The following DDX4 variants were observed in gnomAD, a reference collection of about 807,000 sequenced individuals.
DDX4 encodes DEAD-box helicase 4, also known as probable ATP-dependent RNA helicase DDX4.
A neutral mutation model predicts 100.0 loss-of-function variants in DDX4; 25 were observed. The observed-to-expected ratio is 0.25, with a 90% CI of 0.18 to 0.35. DDX4 has a LOEUF of 0.35. DDX4 is among the 10% of genes least tolerant of loss of function. DDX4 has a pLI of 1.00. For missense variants in DDX4, 635 were observed against 882.4 expected, an observed-to-expected ratio of 0.72 and a Z score of 3.55; for synonymous variants, 259 against 275.7, an observed-to-expected ratio of 0.94 and a Z score of 0.60.
At chr5:55,760,055 T>TC (rs2111776180) in intron 3 of DDX4, 145 bp from the exon 4 acceptor site, 2 of 661,626 alleles carry the variant, frequency 3.0e-6, no homozygotes, top group East Asian at 7.0e-5. Context: ...TAGCCATTTT[T>TC]TTTTTTTTTT....
At position 55,780,047 on chromosome 5, in the gene DDX4, T is replaced by A. The variant is rs1392315238; in HGVS notation, c.478T>A (p.Phe160Ile). 9.9e-6 allele frequency: 16 copies of A among 1,613,992 alleles called. No individual in the cohort carries two copies. Among genetic ancestry groups the A allele is most frequent in the Non-Finnish European group, 1.4e-5 (16 of 1,179,958 alleles). ...TAGTTTCCGAGGTTGCCGTGGAGGA[T>A]TTGGTCTAGGAAGTCCAAGTTAGTA... Reference protein sequence around the residue: ...RGSFRGCRGGFGLGSPNNDLD... With the variant: ...RGSFRGCRGGIGLGSPNNDLD... The change falls in exon 8 of 22, where the codon TTT becomes ATT. Residue 160 changes from phenylalanine (F) to isoleucine (I), a missense_variant. This residue lies in a region of DDX4 where 446 missense variants were observed against 540.8 expected (regional missense o/e 0.82). Transcript: ENST00000505374.
In DDX4 at chr5:55,792,873, A is replaced by G. The variant is rs1051026967; in HGVS notation, c.1469+66A>G. The G allele has an allele frequency of 7.4e-6, 7 of 942,856 alleles. No homozygotes were observed. In the South Asian group the frequency reaches 3.2e-4, roughly 43 times the overall value. 58.4% of individuals were successfully genotyped at this position (942,856 alleles called of 1,614,324 possible). ...TACATACTTTTATCAAAGTGGAAGC[A>G]CTGTGAATATCCTATTTTTAGAGAT... On this transcript the variant is annotated intron_variant, in intron 17 of 21. Transcript: ENST00000505374.
At chr5:55,748,294 TG>T (rs1759353934) in intron 3 of DDX4, among the ~76,000 whole-genome samples, 1 of 152,138 alleles carries the variant, frequency 6.6e-6, no homozygotes, top group Admixed American at 6.6e-5. Context: ...GAAAGACAAA[TG>T]GATAAACGTA....
At chr5:55,779,753 G>T (rs1212664022) in intron 7 of DDX4, among the ~76,000 whole-genome samples, 1 of 152,158 alleles carries the variant, frequency 6.6e-6, no homozygotes, top group Non-Finnish European at 1.5e-5. Context: ...AAAGCAAGCA[G>T]TGAGGTTTTA....
At chr5:55,805,126 TC>T (rs1743608804) in intron 18 of DDX4, among the ~76,000 whole-genome samples, 1 of 151,884 alleles carries the variant, frequency 6.6e-6, no homozygotes, top group African/African-American at 2.4e-5. Flanking sequence ...TCTCTGTTTG[TC>T]TGTTATTGGT....
intron 17 of DDX4, among the ~76,000 whole-genome samples, chr5:55,793,919 T>C (rs1258301148): frequency 2.0e-5 from 3 of 152,172 alleles, no homozygotes; most frequent in Non-Finnish European, 2.9e-5. Flanking sequence ...CAACACCTCT[T>C]TTGCTTTAAA....
At chr5:55,805,537 T>C (rs1743641616) in intron 18 of DDX4, among the ~76,000 whole-genome samples, 2 of 151,896 alleles carry the variant, frequency 1.3e-5, no homozygotes, top group African/African-American at 2.4e-5. Context: ...GCATGAAGAG[T>C]TGTTGAATTT....
chr5:55,806,303 T>A (rs1470079269), intron 18 of DDX4, among the ~76,000 whole-genome samples: 1 of 151,482 alleles, frequency 6.6e-6, no homozygotes, highest in African/African-American at 2.4e-5. Context: ...TTTTGAAGGG[T>A]TTTTTTTGTC....
At chr5:55,744,906 G>C (rs1304234557) in intron 2 of DDX4, among the ~76,000 whole-genome samples, 1 of 151,864 alleles carries the variant, frequency 6.6e-6, no homozygotes, top group Admixed American at 6.6e-5. Context: ...GTGAGACAGT[G>C]TTTTGCTCTT....
intron 17 of DDX4, 103 bp from the exon 18 acceptor site, chr5:55,798,323 G>A: frequency 1.7e-6 from 2 of 1,182,964 alleles, no homozygotes; most frequent in Non-Finnish European, 2.3e-6. Context: ...GTTATAATCT[G>A]CTGTCTGATT....
intron 18 of DDX4, among the ~76,000 whole-genome samples, chr5:55,802,869 C>T (rs1299199806): frequency 2.0e-5 from 3 of 151,828 alleles, no homozygotes; most frequent in Non-Finnish European, 4.4e-5. Flanking sequence ...CTATGACATG[C>T]AAAATAAAGG....
intron 16 of DDX4, among the ~76,000 whole-genome samples, chr5:55,791,092 C>T (rs893958694): frequency 2.6e-5 from 4 of 152,100 alleles, no homozygotes; most frequent in African/African-American, 9.7e-5. Context: ...TAGTTTTTCT[C>T]CTGTAAGAAA....
chr5:55,738,462 G>C (rs4865982), intron 1 of DDX4: 28,409 of 155,052 alleles, frequency 0.18, 3,453 homozygotes, highest in Admixed American at 0.31. Context: ...CCTCTTCACC[G>C]AGTCGCCGCC....
At chr5:55,809,145 C>A (rs777502645) in intron 18 of DDX4, among the ~76,000 whole-genome samples, 4 of 152,302 alleles carry the variant, frequency 2.6e-5, no homozygotes, top group Non-Finnish European at 1.5e-5. Flanking sequence ...CTGGTGTGCC[C>A]TTTGCTAAGA....
chr5:55,803,264 C>A (rs572293837), intron 18 of DDX4, among the ~76,000 whole-genome samples: 1 of 151,956 alleles, frequency 6.6e-6, no homozygotes, highest in East Asian at 1.9e-4. Context: ...CATGTCCCTA[C>A]AAAGGACATG....
At chr5:55,738,721 G>A (rs1758825655) in intron 1 of DDX4, among the ~76,000 whole-genome samples, 1 of 152,176 alleles carries the variant, frequency 6.6e-6, no homozygotes, top group Non-Finnish European at 1.5e-5. Flanking sequence ...GCGATTGCTA[G>A]AATGACTAGG....
intron 2 of DDX4, among the ~76,000 whole-genome samples, chr5:55,742,974 A>G (rs1759061954): frequency 6.6e-6 from 1 of 152,188 alleles, no homozygotes; most frequent in Non-Finnish European, 1.5e-5. Context: ...GCAGGACATC[A>G]GGTGCAAAGG....
chr5:55,738,918 C>T, intron 1 of DDX4, 32 bp from the exon 2 acceptor site: 1 of 1,150,592 alleles, frequency 8.7e-7, no homozygotes, highest in Non-Finnish European at 1.3e-6. Flanking sequence ...CTAATTGAGT[C>T]CAAATGTGCA....
At chr5:55,770,108 C>A (rs1255192585) in intron 7 of DDX4, among the ~76,000 whole-genome samples, 3 of 152,100 alleles carry the variant, frequency 2.0e-5, no homozygotes, top group African/African-American at 4.8e-5. Flanking sequence ...CCCTCAGGAG[C>A]TGTCACCTCA....
Sources: gnomAD v4.1 joint callset for allele counts (sites outside exome capture counted in the v4.1 genomes callset) on GRCh38, gnomAD v4.1.1 for gene constraint, gnomAD v4.1.1 regional missense constraint, MANE v1.5 for transcripts, NCBI Gene and HGNC (gene_info 2026-07-23, HGNC 2026-07-21) for gene names.